The following NRXN3 variants were observed in gnomAD, a reference collection of about 807,000 sequenced individuals.
The protein encoded by NRXN3 is neurexin 3.
A neutral mutation model predicts 137.6 loss-of-function variants in NRXN3; 32 were observed. The ratio of observed to expected loss-of-function variants is 0.23; its 90% CI spans 0.18 to 0.31. NRXN3 has a LOEUF of 0.31. Ranked by LOEUF, NRXN3 falls within the 10% of genes least tolerant of loss-of-function variation. The pLI, the probability that NRXN3 is intolerant of heterozygous loss-of-function variation, is 1.00. For synonymous variants in NRXN3, 798 were observed against 784.5 expected, an observed-to-expected ratio of 1.02 and a Z score of -0.29; for missense variants, 1,574 against 2,062.5, an observed-to-expected ratio of 0.76 and a Z score of 4.59.
intron 4 of NRXN3, among the ~76,000 whole-genome samples, chr14:78,331,294 C>G (rs757991891): frequency 6.6e-6 from 1 of 152,138 alleles, no homozygotes; most frequent in Non-Finnish European, 1.5e-5. Flanking sequence ...CTTTTTCTAT[C>G]ATACCCTTCT....
rs141294640 is a variant in NRXN3 at position 78,839,030 on chromosome 14, C to G, written c.2275+28686C>G. Among the ~76,000 whole-genome samples, 778 of 152,260 alleles carry G rather than the reference C, an allele frequency of 5.1e-3. 21 individuals are homozygous for G. The highest frequency in any genetic ancestry group is 0.048 in the Admixed American group (739 of 15,268). ...CTGGAGATCCGTTGGTGAGTGGATGCTTTCTCTTCCCTCATATAGCTTAAT... is the reference window on the plus strand; with the variant it reads ...CTGGAGATCCGTTGGTGAGTGGATGGTTTCTCTTCCCTCATATAGCTTAAT... On this transcript the variant is annotated intron_variant, in intron 10 of 20. Transcript: ENST00000335750.
chr14:79,699,500 T>C (rs927821678), intron 19 of NRXN3, among the ~76,000 whole-genome samples: 5 of 152,008 alleles, frequency 3.3e-5, no homozygotes, highest in African/African-American at 1.2e-4. Flanking sequence ...TTGAGATGAT[T>C]TAATGTTACA....
At chr14:79,676,339 C>T (rs2098640546) in intron 17 of NRXN3, among the ~76,000 whole-genome samples, 1 of 122,970 alleles carries the variant, frequency 8.1e-6, no homozygotes. Flanking sequence ...TTTTGACCTA[C>T]ATCCTCTATT....
At chr14:79,203,260 A>G (rs1168989454) in intron 15 of NRXN3, among the ~76,000 whole-genome samples, 1 of 152,220 alleles carries the variant, frequency 6.6e-6, no homozygotes, top group Non-Finnish European at 1.5e-5. Flanking sequence ...ATTGCTACAT[A>G]TGACATTTTT....
intron 15 of NRXN3, among the ~76,000 whole-genome samples, chr14:79,284,428 A>G (rs542418146): frequency 6.9e-6 from 1 of 145,144 alleles, no homozygotes; most frequent in Non-Finnish European, 1.5e-5. Flanking sequence ...TTCAGTATTT[A>G]TAGTTTAAAT....
intron 15 of NRXN3, among the ~76,000 whole-genome samples, chr14:79,188,375 C>T (rs1455332722): frequency 6.9e-6 from 1 of 145,770 alleles, no homozygotes; most frequent in African/African-American, 2.5e-5. Flanking sequence ...TGCTGCTAGC[C>T]CTTTGGCTTG....
At chr14:78,419,602 C>T (rs151034910) in intron 4 of NRXN3, among the ~76,000 whole-genome samples, 46 of 152,222 alleles carry the variant, frequency 3.0e-4, no homozygotes, top group African/African-American at 9.6e-4. Context: ...CCTGGGGATA[C>T]GGCTCAAGGA....
At chr14:79,350,616 G>A (rs2093158826) in intron 15 of NRXN3, among the ~76,000 whole-genome samples, 1 of 152,000 alleles carries the variant, frequency 6.6e-6, no homozygotes, top group Non-Finnish European at 1.5e-5. Context: ...TGTGTGTTTT[G>A]TTTTCATAGG....
At chr14:78,816,594 C>G (rs548234811) in intron 10 of NRXN3, among the ~76,000 whole-genome samples, 2 of 152,190 alleles carry the variant, frequency 1.3e-5, no homozygotes, top group African/African-American at 4.8e-5. Context: ...CTTTTTACTA[C>G]TAAAAATGTA....
intron 3 of NRXN3, among the ~76,000 whole-genome samples, chr14:78,290,207 A>C (rs1274339891): frequency 6.6e-6 from 1 of 152,174 alleles, no homozygotes; most frequent in African/African-American, 2.4e-5. Context: ...GATTGCACTT[A>C]AGTGCCAAAA....
intron 8 of NRXN3, among the ~76,000 whole-genome samples, chr14:78,764,819 C>A (rs2098703600): frequency 1.3e-5 from 2 of 152,092 alleles, no homozygotes; most frequent in Admixed American, 1.3e-4. Flanking sequence ...CACCATTAGA[C>A]CTTGCTCAGC....
At chr14:78,742,895 G>T (rs1225855169) in intron 8 of NRXN3, among the ~76,000 whole-genome samples, 2 of 152,096 alleles carry the variant, frequency 1.3e-5, no homozygotes, top group Non-Finnish European at 2.9e-5. Context: ...CAAATAAACA[G>T]CTTAGTTAAA....
At position 79,862,465 on chromosome 14, in the gene NRXN3, A is replaced by T. The variant is rs565533399; in HGVS notation, c.*501A>T. 6.6e-6 allele frequency: 1 copy of T among 152,106 alleles called. No homozygotes were observed. Among genetic ancestry groups the T allele is most frequent in the Non-Finnish European group, 1.5e-5 (1 of 68,038 alleles). 9.4% of individuals were successfully genotyped at this position (152,106 alleles called of 1,614,324 possible). On this transcript the variant is annotated 3_prime_UTR_variant, in exon 21 of 21. Coordinates refer to ENST00000335750, the MANE Select transcript of NRXN3 (RefSeq NM_001330195.2). ...AAAAGAAAAAAGTTAAAAAAGAAAA[A>T]AACACCAAAAAACAAAAACAAACAA... is the stretch of plus-strand genomic sequence containing the variant.
At chr14:79,725,973 A>T (rs1216372303) in intron 19 of NRXN3, among the ~76,000 whole-genome samples, 1 of 152,144 alleles carries the variant, frequency 6.6e-6, no homozygotes, top group African/African-American at 2.4e-5. Flanking sequence ...AAGCTGTCAG[A>T]TGATTCCCAC....
intron 15 of NRXN3, among the ~76,000 whole-genome samples, chr14:79,245,123 C>T (rs893662550): frequency 6.6e-6 from 1 of 151,998 alleles, no homozygotes; most frequent in Non-Finnish European, 1.5e-5. Context: ...TTAATGATGC[C>T]CATCTCACAG....
chr14:78,579,858 C>T (rs2096975364), intron 4 of NRXN3, among the ~76,000 whole-genome samples: 1 of 152,124 alleles, frequency 6.6e-6, no homozygotes, highest in Non-Finnish European at 1.5e-5. Context: ...CAGGGCATTG[C>T]CTGTTTGTCA....
intron 15 of NRXN3, among the ~76,000 whole-genome samples, chr14:79,427,158 AGG>A (rs1567095040): frequency 2.0e-5 from 3 of 152,168 alleles, no homozygotes; most frequent in Non-Finnish European, 1.5e-5. Context: ...TTCAACTAAC[AGG>A]AGGAGAGATG....
chr14:79,523,918 G>T (rs2097094489), intron 16 of NRXN3, among the ~76,000 whole-genome samples: 1 of 152,128 alleles, frequency 6.6e-6, no homozygotes, highest in Non-Finnish European at 1.5e-5. Context: ...TTGAACTCAA[G>T]TGTCAGGTTC....
At chr14:79,234,293 AAT>A (rs71131687) in intron 15 of NRXN3, among the ~76,000 whole-genome samples, 1,189 of 55,862 alleles carry the variant, frequency 0.021, 7 homozygotes, top group African/African-American at 0.026. Flanking sequence ...TTCAATGGTA[AAT>A]ATATATATAT....
Sources: gnomAD v4.1 joint callset for allele counts (sites outside exome capture counted in the v4.1 genomes callset) on GRCh38, gnomAD v4.1.1 for gene constraint, MANE v1.5 for transcripts, NCBI Gene and HGNC (gene_info 2026-07-23, HGNC 2026-07-21) for gene names.